WNT9B: variants seen among roughly 807,000 people sequenced by gnomAD.
WNT9B encodes the protein protein Wnt-9b.
WNT9B carries 12 observed loss-of-function variants against 30.2 expected under a neutral mutation model. That is an observed-to-expected ratio of 0.40 (90% CI 0.26 to 0.64). The LOEUF (loss-of-function observed/expected upper bound fraction) is 0.64. Among genes scored for constraint, WNT9B ranks in the 30% least tolerant of loss-of-function variants. WNT9B has a pLI of 0.42. For synonymous variants in WNT9B, 218 were observed against 216.9 expected, an observed-to-expected ratio of 1.01 and a Z score of -0.05; for missense variants, 442 against 485.2, an observed-to-expected ratio of 0.91 and a Z score of 0.84.
chr17:46,858,079 G>A (rs1039602635), intron 1 of WNT9B, among the ~76,000 whole-genome samples: 5 of 152,040 alleles, frequency 3.3e-5, no homozygotes, highest in African/African-American at 7.2e-5. Context: ...ACAGGCATGC[G>A]CCACCATGCT....
intron 1 of WNT9B, among the ~76,000 whole-genome samples, chr17:46,839,299 C>G (rs2084671227): frequency 6.6e-6 from 1 of 152,256 alleles, no homozygotes; most frequent in Admixed American, 6.5e-5. Context: ...CCAGCATACA[C>G]TCTGTCCTTG....
exon 1 of WNT9B, chr17:46,833,361 G>A: frequency 1.9e-6 from 1 of 518,602 alleles, no homozygotes; most frequent in Non-Finnish European, 3.9e-6. Context: ...AGGACGGGCA[G>A]TTTCTTTTGA....
rs530502749 is a variant in WNT9B, at chr17:46,872,573, C to A, written c.134C>A (p.Pro45Gln). ...CCAGGATTGGGCACTGCGGCAGCCC[C>A]GGCACAGGGCGGGGCCCACCTGAAG... is the stretch of plus-strand genomic sequence containing the variant. ...PFPGLGTAAA[P>Q]AQGGAHLKQC... Residue 45 changes from proline (P) to glutamine (Q), a missense_variant, in exon 2 of 4, where the codon CCG becomes CAG. Transcript: ENST00000290015. 1 of 1,599,336 alleles carries A rather than the reference C, an allele frequency of 6.3e-7. No individual in the cohort carries two copies. The highest frequency in any genetic ancestry group is 8.5e-7 in the Non-Finnish European group (1 of 1,171,484).
At chr17:46,882,109 T>C (rs1170565486), downstream of WNT9B, among the ~76,000 whole-genome samples, 1 of 152,174 alleles carries the variant, frequency 6.6e-6, no homozygotes, top group Non-Finnish European at 1.5e-5. Flanking sequence ...TGAGCTGTGA[T>C]TGCACCACTG....
downstream of WNT9B, among the ~76,000 whole-genome samples, chr17:46,883,378 G>A (rs775943016): frequency 1.3e-5 from 2 of 149,180 alleles, no homozygotes. Flanking sequence ...TCCGCCTCCC[G>A]GGTTCAAGTG....
At chr17:46,863,520 CAAAG>C (rs1012299136) in intron 1 of WNT9B, among the ~76,000 whole-genome samples, 12 of 151,962 alleles carry the variant, frequency 7.9e-5, no homozygotes, top group Non-Finnish European at 1.8e-4. Context: ...TGGGAGAAGA[CAAAG>C]AAAGAGGATG....
intron 1 of WNT9B, among the ~76,000 whole-genome samples, chr17:46,858,752 G>A (rs1257560052): frequency 6.6e-6 from 1 of 152,026 alleles, no homozygotes; most frequent in African/African-American, 2.4e-5. Flanking sequence ...CTACAGCCTC[G>A]ACCTTCTGGA....
downstream of WNT9B, among the ~76,000 whole-genome samples, chr17:46,882,519 T>A (rs925531272): frequency 1.3e-5 from 2 of 152,090 alleles, no homozygotes; most frequent in African/African-American, 4.8e-5. Context: ...CACAGCAACC[T>A]CCACCTCCTA....
chr17:46,881,503 A>G (rs975965601), downstream of WNT9B, among the ~76,000 whole-genome samples: 2 of 152,230 alleles, frequency 1.3e-5, no homozygotes, highest in African/African-American at 4.8e-5. Flanking sequence ...GTGACTTACC[A>G]AAGGCTATAT....
chr17:46,860,386 C>T (rs994165495), intron 1 of WNT9B, among the ~76,000 whole-genome samples: 21 of 152,112 alleles, frequency 1.4e-4, no homozygotes, highest in African/African-American at 4.8e-4. Flanking sequence ...CCCATCCTGG[C>T]ATCAGCATGA....
intron 1 of WNT9B, among the ~76,000 whole-genome samples, chr17:46,846,502 G>A (rs1012058426): frequency 1.3e-5 from 2 of 152,206 alleles, no homozygotes; most frequent in African/African-American, 2.4e-5. Flanking sequence ...ATAGGCACTG[G>A]CACAAAGTAC....
At chr17:46,881,044 C>T (rs2085415985), downstream of WNT9B, among the ~76,000 whole-genome samples, 1 of 152,230 alleles carries the variant, frequency 6.6e-6, no homozygotes, top group Admixed American at 6.5e-5. Flanking sequence ...CCTTTTCTGG[C>T]CACAGTTCCT....
At chr17:46,850,294 G>A (rs2084825662), upstream of WNT9B, among the ~76,000 whole-genome samples, 1 of 152,184 alleles carries the variant, frequency 6.6e-6, no homozygotes, top group Non-Finnish European at 1.5e-5. Flanking sequence ...TAGAACCATG[G>A]GATTTGATAG....
At position 46,872,817 on chromosome 17, in the gene WNT9B, C is replaced by A. The variant is rs753737579; in HGVS notation, c.334+44C>A. 237 of 1,497,934 alleles carry A rather than the reference C, an allele frequency of 1.6e-4. 3 individuals carry two copies. The highest frequency in any genetic ancestry group is 3.9e-5 in the Non-Finnish European group (43 of 1,100,334). The allele number at this position is 1,497,934 out of a possible 1,614,324, so 92.8% of individuals were successfully genotyped here. A position where few individuals can be genotyped will look rare whatever the true frequency, so the allele number is the denominator to read the frequency against. On this transcript the variant is annotated intron_variant, in intron 2 of 3. Coordinates refer to ENST00000290015, the MANE Select transcript of WNT9B (RefSeq NM_003396.3). Reference sequence around the variant, plus strand: ...GGACGGGGAGGGCTGGGGGAAGAAGCCTTCAGGGAGGAGGAGGCTGGGAGA... The same window carrying A: ...GGACGGGGAGGGCTGGGGGAAGAAGACTTCAGGGAGGAGGAGGCTGGGAGA...
chr17:46,862,070 A>G (rs889856487), intron 1 of WNT9B, among the ~76,000 whole-genome samples: 1 of 151,570 alleles, frequency 6.6e-6, no homozygotes, highest in African/African-American at 2.4e-5. Flanking sequence ...GGCTGAGGCA[A>G]GAGAATTGCT....
intron 1 of WNT9B, among the ~76,000 whole-genome samples, chr17:46,837,402 T>C (rs1259065388): frequency 6.6e-6 from 1 of 151,826 alleles, no homozygotes; most frequent in East Asian, 1.9e-4. Context: ...TGGGAGAATA[T>C]TTGGGGGACT....
intron 1 of WNT9B, among the ~76,000 whole-genome samples, chr17:46,865,702 ACCT>A: frequency 6.6e-6 from 1 of 151,942 alleles, no homozygotes; most frequent in East Asian, 1.9e-4. Flanking sequence ...TGCAGCCTTG[ACCT>A]CCTGGGCTCA....
rs12450286 is a variant in WNT9B, at chr17:46,878,161, G to C, written c.*1443G>C. Among the ~76,000 whole-genome samples the C allele has an allele frequency of 6.6e-6, 1 of 152,364 alleles. No individual in the cohort carries two copies. Among genetic ancestry groups the C allele is most frequent in the Middle Eastern group, 3.4e-3 (1 of 294 alleles). ...ATTGTACTTCCCCAGAGTGGGGCCC[G>C]ATGCCACCCAGGAGGAAGTGACTTC... On this transcript the variant is annotated 3_prime_UTR_variant, in exon 4 of 4. Transcript: ENST00000290015.
chr17:46,871,827 T>C (rs2085248957), intron 1 of WNT9B, among the ~76,000 whole-genome samples: 1 of 152,228 alleles, frequency 6.6e-6, no homozygotes, highest in African/African-American at 2.4e-5. Context: ...CCATCAGTCC[T>C]TCCTTCCTTC....
Sources: gnomAD v4.1 joint callset for allele counts (sites outside exome capture counted in the v4.1 genomes callset) on GRCh38, gnomAD v4.1.1 for gene constraint, MANE v1.5 for transcripts, NCBI Gene and HGNC (gene_info 2026-07-23, HGNC 2026-07-21) for gene names.